The following ROBO1 variants were observed in gnomAD, a reference collection of about 807,000 sequenced individuals.
The protein encoded by ROBO1 is roundabout guidance receptor 1.
Under a neutral mutation model 195.9 loss-of-function variants are expected in ROBO1, and 149 were observed. The observed-to-expected ratio is 0.76, with a 90% CI of 0.67 to 0.87. The LOEUF is 0.87. Ranked by LOEUF, ROBO1 falls within the 40% of genes least tolerant of loss-of-function variation. The probability of loss-of-function intolerance (pLI) is 0.00; values close to 1 mark genes in which losing one functional copy is unlikely to be tolerated. For synonymous variants in ROBO1, 816 were observed against 733.2 expected (o/e 1.11, Z -1.82); for missense variants, 1,933 against 2,068.3 (o/e 0.93, Z 1.27).
chr3:79,584,748 C>T (rs1229587120), intron 2 of ROBO1, among the ~76,000 whole-genome samples: 2 of 150,708 alleles, frequency 1.3e-5, no homozygotes, highest in African/African-American at 2.4e-5. Context: ...CCCTCTGCAA[C>T]CTTCACTAAG....
At chr3:79,479,940 T>C (rs1938749402) in intron 2 of ROBO1, among the ~76,000 whole-genome samples, 1 of 152,200 alleles carries the variant, frequency 6.6e-6, no homozygotes, top group African/African-American at 2.4e-5. Flanking sequence ...TCCCTAGTTT[T>C]CCTTTTAAAA....
intron 2 of ROBO1, among the ~76,000 whole-genome samples, chr3:79,546,531 C>A (rs1164220541): frequency 6.6e-6 from 1 of 152,134 alleles, no homozygotes; most frequent in Non-Finnish European, 1.5e-5. Flanking sequence ...TTTGGATTGG[C>A]TACATGTTTA....
At chr3:78,684,721 TAAAG>T (rs2081013772) in intron 10 of ROBO1, among the ~76,000 whole-genome samples, 1 of 152,054 alleles carries the variant, frequency 6.6e-6, no homozygotes, top group Non-Finnish European at 1.5e-5. Flanking sequence ...GATACAGAGA[TAAAG>T]AAAGATGAGG....
chr3:78,957,431 C>T (rs937048817), intron 3 of ROBO1, among the ~76,000 whole-genome samples: 1 of 152,000 alleles, frequency 6.6e-6, no homozygotes, highest in Non-Finnish European at 1.5e-5. Flanking sequence ...TGCACTTAAT[C>T]AATGCATATG....
At chr3:78,959,104 C>A (rs749589571) in intron 3 of ROBO1, among the ~76,000 whole-genome samples, 13 of 152,110 alleles carry the variant, frequency 8.5e-5, no homozygotes, top group Non-Finnish European at 1.9e-4. Flanking sequence ...ACCGGCCCAC[C>A]CTTTCTTCTT....
chr3:78,877,440 C>T (rs1218416927), intron 4 of ROBO1, among the ~76,000 whole-genome samples: 1 of 151,418 alleles, frequency 6.6e-6, no homozygotes, highest in East Asian at 1.9e-4. Flanking sequence ...AAAAACATCC[C>T]TAAAATAAAT....
chr3:79,428,789 A>T (rs2038556688), intron 2 of ROBO1, among the ~76,000 whole-genome samples: 3 of 152,190 alleles, frequency 2.0e-5, no homozygotes, highest in African/African-American at 7.2e-5. Context: ...TTAAAAAATA[A>T]TTTTAAGAAA....
At chr3:78,745,706 A>C (rs965290888) in intron 5 of ROBO1, among the ~76,000 whole-genome samples, 4 of 152,170 alleles carry the variant, frequency 2.6e-5, no homozygotes, top group Non-Finnish European at 4.4e-5. Flanking sequence ...AATTACAGAA[A>C]TCCTTTGGGA....
chr3:79,663,138 C>T (rs1348263952), intron 1 of ROBO1, among the ~76,000 whole-genome samples: 1 of 152,004 alleles, frequency 6.6e-6, no homozygotes, highest in Non-Finnish European at 1.5e-5. Flanking sequence ...TATCACTTAT[C>T]AAATACCAGG....
At chr3:79,142,694 A>G (rs1023428819) in intron 2 of ROBO1, among the ~76,000 whole-genome samples, 7 of 152,248 alleles carry the variant, frequency 4.6e-5, no homozygotes, top group African/African-American at 1.2e-4. Flanking sequence ...AAAGTTTACT[A>G]TAGTAACTAA....
At chr3:78,738,817 A>C (rs2082454695) in intron 5 of ROBO1, among the ~76,000 whole-genome samples, 1 of 152,248 alleles carries the variant, frequency 6.6e-6, no homozygotes, top group South Asian at 2.1e-4. Flanking sequence ...TTTGCAAAGA[A>C]GAATGGATAA....
chr3:79,654,881 T>C (rs1319222696), intron 1 of ROBO1, among the ~76,000 whole-genome samples: 5 of 152,054 alleles, frequency 3.3e-5, no homozygotes, highest in African/African-American at 9.7e-5. Flanking sequence ...CACAGTAATT[T>C]TGTAGCCTTT....
rs927695277 is a variant in ROBO1, at chr3:78,916,590, G to C, written c.499+22011C>G. Among the ~76,000 whole-genome samples the C allele has an allele frequency of 5.3e-5, 8 of 150,236 alleles. No individual in the cohort carries two copies. The Middle Eastern group carries it at 0.014, about 259-fold the overall frequency. ...AAAAAAAAAGAAAAAAATGGAATTA[G>C]TAAGCAATACTGTTTTTTTATTTAT... is the stretch of plus-strand genomic sequence containing the variant. On this transcript the variant is annotated intron_variant, in intron 4 of 30. Coordinates refer to ENST00000464233, the MANE Select transcript of ROBO1 (RefSeq NM_002941.4).
At chr3:79,433,642 AT>A (rs1239732473) in intron 2 of ROBO1, among the ~76,000 whole-genome samples, 1 of 152,138 alleles carries the variant, frequency 6.6e-6, no homozygotes, top group Non-Finnish European at 1.5e-5. Flanking sequence ...TAATTTATAG[AT>A]TCAATGCCAT....
intron 2 of ROBO1, among the ~76,000 whole-genome samples, chr3:79,212,749 G>T (rs532745055): frequency 6.6e-6 from 1 of 151,678 alleles, no homozygotes; most frequent in South Asian, 2.1e-4. Flanking sequence ...GAACCCCAGA[G>T]GCAGAGGCTG....
At chr3:79,043,574 G>C (rs1034624060) in intron 3 of ROBO1, among the ~76,000 whole-genome samples, 13 of 151,720 alleles carry the variant, frequency 8.6e-5, no homozygotes, top group African/African-American at 3.1e-4. Context: ...ACTCCTCTCA[G>C]ATTCTGTATT....
At chr3:78,697,046 A>C (rs1300798233) in intron 8 of ROBO1, among the ~76,000 whole-genome samples, 2 of 40,800 alleles carry the variant, frequency 4.9e-5, no homozygotes, top group Non-Finnish European at 9.8e-5. Flanking sequence ...TCACACACAG[A>C]CACACACACA....
At chr3:79,452,492 A>G (rs1304766823) in intron 2 of ROBO1, among the ~76,000 whole-genome samples, 1 of 152,050 alleles carries the variant, frequency 6.6e-6, no homozygotes, top group Non-Finnish European at 1.5e-5. Context: ...CATATTTCAT[A>G]ATTGATTACC....
At chr3:79,046,469 A>T (rs1280861331) in intron 3 of ROBO1, among the ~76,000 whole-genome samples, 7 of 152,094 alleles carry the variant, frequency 4.6e-5, no homozygotes, top group African/African-American at 1.7e-4. Flanking sequence ...CATATATATA[A>T]TAACTATATA....
Sources: allele counts gnomAD v4.1 joint callset (sites outside exome capture counted in the v4.1 genomes callset), GRCh38; gene constraint gnomAD v4.1.1; transcripts MANE v1.5; gene names NCBI Gene and HGNC (gene_info 2026-07-23, HGNC 2026-07-21).